The following PARD3 variants were observed in gnomAD, a reference collection of about 807,000 sequenced individuals.
The protein encoded by PARD3 is par-3 family cell polarity regulator, also known as partitioning defective 3 homolog.
Under a neutral mutation model 155.4 loss-of-function variants are expected in PARD3, and 75 were observed. The observed-to-expected ratio is 0.48, with a 90% CI of 0.40 to 0.58. The LOEUF (loss-of-function observed/expected upper bound fraction) is 0.58, where lower values mean the gene tolerates loss of function less well. PARD3 is among the 20% of genes least tolerant of loss of function. The pLI is 0.00. For missense variants in PARD3, 1,642 were observed against 1,721.7 expected, an observed-to-expected ratio of 0.95 and a Z score of 0.82; for synonymous variants, 576 against 610.5, an observed-to-expected ratio of 0.94 and a Z score of 0.83.
At chr10:34,635,185 G>A (rs2092423525) in intron 2 of PARD3, among the ~76,000 whole-genome samples, 2 of 152,258 alleles carry the variant, frequency 1.3e-5, no homozygotes, top group Admixed American at 6.5e-5. Context: ...CTCCATGGAT[G>A]AATTCAAGGC....
chr10:34,298,483 A>C (rs1957010965), intron 20 of PARD3, among the ~76,000 whole-genome samples: 1 of 152,224 alleles, frequency 6.6e-6, no homozygotes, highest in African/African-American at 2.4e-5. Flanking sequence ...ACTAAGTGAA[A>C]TCAATCAATG....
chr10:34,202,058 C>G (rs1478380423), intron 22 of PARD3: 1 of 152,180 alleles, frequency 6.6e-6, no homozygotes, highest in Non-Finnish European at 1.5e-5. Context: ...TGATAACCCA[C>G]TACCATCGAA....
chr10:34,813,568 T>C (rs1009175995), intron 1 of PARD3, among the ~76,000 whole-genome samples: 1 of 152,206 alleles, frequency 6.6e-6, no homozygotes, highest in Non-Finnish European at 1.5e-5. Context: ...ACGTCTTCCA[T>C]CCTTGTGTCG....
chr10:34,145,205 ATATATATATATATATATTTTTT>A (rs1483842293), intron 22 of PARD3, among the ~76,000 whole-genome samples: 4 of 61,278 alleles, frequency 6.5e-5, no homozygotes, highest in South Asian at 9.4e-4. Flanking sequence ...ATATATATAT[ATATATATATATATATATTTTTT>A]TTTTTTTTTT....
At position 34,269,675 on chromosome 10, in the gene PARD3, T is replaced by G; in HGVS notation, c.3401A>C (p.Lys1134Thr). The change falls in exon 22 of 25, where the codon AAA becomes ACA. Residue 1134 changes from lysine (K) to threonine (T), a missense_variant. By Grantham distance (78) the Lys-to-Thr change is moderately conservative. Transcript: ENST00000374788. Reference sequence around the variant, plus strand: ...CGCCTACCTGTCTACAGGTGAGGGTTTGGAATTCCGCGGCTTCTTGACTTG... The same window carrying G: ...CGCCTACCTGTCTACAGGTGAGGGTGTGGAATTCCGCGGCTTCTTGACTTG... ...YAQVKKPRNS[K>T]PSPVDSNRST... The G allele has an allele frequency of 1.2e-6, 2 of 1,614,044 alleles. No homozygotes were observed. Among genetic ancestry groups the G allele is most frequent in the Non-Finnish European group, 1.7e-6 (2 of 1,179,962 alleles).
intron 2 of PARD3, among the ~76,000 whole-genome samples, chr10:34,523,268 C>G (rs993006354): frequency 6.6e-5 from 10 of 152,174 alleles, no homozygotes; most frequent in Admixed American, 6.5e-4. Context: ...TCCACACACC[C>G]TGAGAAGCCA....
chr10:34,573,859 T>G (rs1484343834), intron 2 of PARD3, among the ~76,000 whole-genome samples: 1 of 152,094 alleles, frequency 6.6e-6, no homozygotes, highest in African/African-American at 2.4e-5. Context: ...CTGTGAAGTA[T>G]TCAACCAAGA....
intron 2 of PARD3, among the ~76,000 whole-genome samples, chr10:34,520,525 CCTGT>C (rs1344222152): frequency 6.6e-6 from 1 of 152,118 alleles, no homozygotes; most frequent in Non-Finnish European, 1.5e-5. Context: ...CAAGTGTCTG[CCTGT>C]ATTAGAGACA....
chr10:34,222,565 A>G (rs1257245095), intron 22 of PARD3, among the ~76,000 whole-genome samples: 1 of 152,242 alleles, frequency 6.6e-6, no homozygotes, highest in African/African-American at 2.4e-5. Flanking sequence ...ATAAATGGAG[A>G]GAGAGAGAGA....
chr10:34,603,756 T>C (rs1049898337), intron 2 of PARD3, among the ~76,000 whole-genome samples: 2 of 152,080 alleles, frequency 1.3e-5, no homozygotes, highest in African/African-American at 4.8e-5. Context: ...ACAGAAAAAC[T>C]GTACCAGAAA....
rs898832204 is a variant in PARD3 at position 34,344,005 on chromosome 10, T to C, written c.2219-2189A>G. 4 of 980,850 alleles carry C rather than the reference T, an allele frequency of 4.1e-6. No individual in the cohort carries two copies. The South Asian group carries it at 1.9e-4, about 46-fold the overall frequency. The allele number at this position is 980,850 out of a possible 1,614,324, so 60.8% of individuals were successfully genotyped here. A position where few individuals can be genotyped will look rare whatever the true frequency, so the allele number is the denominator to read the frequency against. ...TAATGTTTCATTTTTCTATGTCAAATTGCTAACAAGATAAAAATGTTCTAA... is the reference window on the plus strand; with the variant it reads ...TAATGTTTCATTTTTCTATGTCAAACTGCTAACAAGATAAAAATGTTCTAA... On this transcript the variant is annotated intron_variant, in intron 15 of 24. Coordinates refer to ENST00000374788, the MANE Select transcript of PARD3 (RefSeq NM_001184785.2).
chr10:34,666,816 T>TATATATATATATACACACAC (rs765552982), intron 2 of PARD3, among the ~76,000 whole-genome samples: 3 of 88,808 alleles, frequency 3.4e-5, no homozygotes, highest in Non-Finnish European at 4.1e-5. Context: ...TATATATATA[T>TATATATATATATACACACAC]ACACACACAC....
At chr10:34,339,543 A>G (rs546890928) in intron 16 of PARD3, among the ~76,000 whole-genome samples, 17 of 152,304 alleles carry the variant, frequency 1.1e-4, no homozygotes, top group Admixed American at 1.0e-3. Context: ...TTAATTTTAT[A>G]TCCTCTAAAA....
At chr10:34,602,120 G>A (rs902195989) in intron 2 of PARD3, among the ~76,000 whole-genome samples, 5 of 152,122 alleles carry the variant, frequency 3.3e-5, no homozygotes, top group African/African-American at 9.7e-5. Context: ...TACTGAACAC[G>A]AATATATGGC....
intron 1 of PARD3, among the ~76,000 whole-genome samples, chr10:34,767,227 C>T (rs1838209618): frequency 6.6e-6 from 1 of 152,114 alleles, no homozygotes; most frequent in African/African-American, 2.4e-5. Context: ...GGCAATGAGA[C>T]AAAGTCAAAC....
intron 22 of PARD3, among the ~76,000 whole-genome samples, chr10:34,241,454 C>G (rs983776484): frequency 6.6e-6 from 1 of 151,954 alleles, no homozygotes; most frequent in Non-Finnish European, 1.5e-5. Flanking sequence ...CGGGAGGGCA[C>G]AGGGTGTCTA....
intron 22 of PARD3, among the ~76,000 whole-genome samples, chr10:34,259,365 G>A (rs554939793): frequency 7.9e-5 from 12 of 152,286 alleles, no homozygotes; most frequent in African/African-American, 2.9e-4. Flanking sequence ...TCCTTCCGGA[G>A]GCTCGAGGGG....
intron 14 of PARD3, among the ~76,000 whole-genome samples, chr10:34,349,973 A>G (rs1837864813): frequency 6.6e-6 from 1 of 152,228 alleles, no homozygotes; most frequent in African/African-American, 2.4e-5. Context: ...TCTGTTCAGA[A>G]AAAAACCAAG....
chr10:34,451,284 A>C (rs773937), intron 4 of PARD3, among the ~76,000 whole-genome samples: 78,261 of 152,012 alleles, frequency 0.51, 23,767 homozygotes, highest in African/African-American at 0.86. Context: ...TTTAGTTCAA[A>C]GACGAAATCT....
Sources: allele counts gnomAD v4.1 joint callset (sites outside exome capture counted in the v4.1 genomes callset), GRCh38; gene constraint gnomAD v4.1.1; transcripts MANE v1.5; gene names NCBI Gene and HGNC (gene_info 2026-07-23, HGNC 2026-07-21).